Variants in MYO15A observed in about 807,000 individuals in gnomAD.
The protein encoded by MYO15A is myosin XVA, also known as unconventional myosin-XV.
Under a neutral mutation model 394.6 loss-of-function variants are expected in MYO15A, and 308 were observed. The observed-to-expected ratio is 0.78, with a 90% CI of 0.71 to 0.86. MYO15A has a LOEUF of 0.86. MYO15A is among the 40% of genes least tolerant of loss of function. The pLI is 0.00. For synonymous variants in MYO15A, 1,957 were observed against 2,003.8 expected, an observed-to-expected ratio of 0.98 and a Z score of 0.62; for missense variants, 4,606 against 4,799.1, an observed-to-expected ratio of 0.96 and a Z score of 1.19.
rs374602753 is a variant in MYO15A, at chr17:18,131,287, G to A, written c.4087G>A (p.Val1363Ile). Residue 1363 changes from valine to isoleucine, a missense_variant, in exon 9 of 66, where the codon GTC becomes ATC. Around this residue, in one of 2 missense-constraint regions of MYO15A, gnomAD observed 2,776 missense variants for 3,109.3 expected, o/e 0.89. Coordinates refer to ENST00000647165, the MANE Select transcript of MYO15A (RefSeq NM_016239.4). ...LLESFGNAKT[V>I]RNDNSSRFGK... ...GGAGTCCTTCGGTAATGCCAAAACC[G>A]TCAGGAACGACAACTCCAGCCGCTT... The A allele has an allele frequency of 4.8e-5, 78 of 1,614,000 alleles. No homozygotes were observed. The highest frequency in any genetic ancestry group is 8.0e-5 in the African/African-American group (6 of 74,980).
chr17:18,148,600 C>G lies in MYO15A; in HGVS notation c.6764+32C>G, dbSNP rs1321996352. 8 of 1,550,318 alleles carry G rather than the reference C, an allele frequency of 5.2e-6. No individual in the cohort carries two copies. In the African/African-American group the frequency reaches 1.1e-4, roughly 21 times the overall value. On this transcript the variant is annotated intron_variant, in intron 32 of 65. Coordinates refer to ENST00000647165, the MANE Select transcript of MYO15A (RefSeq NM_016239.4). This position sits in a 1 kb window ranked among gnomAD's most constrained non-coding sequence, Gnocchi z 4.8. ...TCCTAGGATGCCCTCCCAGCACACT[C>G]TTATGTACCTGGAATGTTGTGGGGG... is the stretch of plus-strand genomic sequence containing the variant.
At chr17:18,139,028 C>T (rs991807845) in intron 18 of MYO15A, 92 bp downstream of exon 18, 7 of 1,530,148 alleles carry the variant, frequency 4.6e-6, no homozygotes, top group Admixed American at 2.0e-5. Flanking sequence ...CAGACATTCA[C>T]AGCCAGGTCC....
At chr17:18,167,058 T>C (rs956820962) in intron 61 of MYO15A, among the ~76,000 whole-genome samples, 1 of 152,178 alleles carries the variant, frequency 6.6e-6, no homozygotes, top group Non-Finnish European at 1.5e-5. Context: ...CTTCAGGAAT[T>C]GTACACAATA....
At position 18,150,658 on chromosome 17, in the gene MYO15A, A is replaced by T. The variant is rs2142367765; in HGVS notation, c.7328-40A>T. The stretch of plus-strand genomic sequence containing the variant: ...GGGCTGAGAGGACAGGGAGGAGGGC[A>T]TCTCCGGTGCCATCTGTGCCTTCTG... On this transcript the variant is annotated intron_variant, in intron 36 of 65. Coordinates refer to ENST00000647165, the MANE Select transcript of MYO15A (RefSeq NM_016239.4). This position sits in a 1 kb window ranked among gnomAD's most constrained non-coding sequence, Gnocchi z 4.4. 1 of 1,594,588 alleles carries T rather than the reference A, an allele frequency of 6.3e-7. No homozygotes were observed. Among genetic ancestry groups the T allele is most frequent in the East Asian group, 2.3e-5 (1 of 43,792 alleles).
intron 62 of MYO15A, 104 bp downstream of exon 62, chr17:18,167,827 C>G: frequency 6.6e-7 from 1 of 1,526,294 alleles, no homozygotes; most frequent in Non-Finnish European, 8.8e-7. Flanking sequence ...CCCTCAGGCT[C>G]CCCTCTTATA....
In MYO15A at chr17:18,118,875, G is replaced by A; in HGVS notation, c.75G>A (p.Lys25=). ...GGAAGAAGGCACCGGAGCCGGAGAA[G>A]CCCAAACGGAGCCTGAAGGGGACGT... ...KKGKKAPEPE[K]PKRSLKGTSR... is the part of the protein sequence containing the mutation. Residue 25 remains lysine (K), a synonymous_variant, in exon 2 of 66, where the codon AAG becomes AAA. Coordinates refer to ENST00000647165, the MANE Select transcript of MYO15A (RefSeq NM_016239.4). 1 of 1,613,684 alleles carries A rather than the reference G, an allele frequency of 6.2e-7. No homozygotes were observed. Among genetic ancestry groups the A allele is most frequent in the East Asian group, 2.2e-5 (1 of 44,852 alleles).
At chr17:18,135,560 C>T (rs568468799) in intron 12 of MYO15A, 151 bp from the exon 13 acceptor site, 21 of 669,830 alleles carry the variant, frequency 3.1e-5, no homozygotes, top group Admixed American at 1.3e-4. Flanking sequence ...AGGTTGGTCT[C>T]GAACTCCTGG....
rs750391522 is a variant in MYO15A at position 18,120,419 on chromosome 17, G to T, written c.1619G>T (p.Arg540Leu). The change falls in exon 2 of 66, where the codon CGC becomes CTC. Residue 540 changes from arginine to leucine, a missense_variant. By Grantham distance (102) the Arg-to-Leu change is moderately radical. Transcript: ENST00000647165. ...TGGGGCTTCCTCACGCCGCGCCAGC[G>T]CAACCTCCAGCGCGCGCTGTCGGCC... ...PFWGFLTPRQ[R>L]NLQRALSAFG... 2.5e-6 allele frequency: 4 copies of T among 1,599,380 alleles called. No homozygotes were observed. Among genetic ancestry groups the T allele is most frequent in the Non-Finnish European group, 2.6e-6 (3 of 1,174,690 alleles).
At chr17:18,158,418 T>G in intron 51 of MYO15A, 105 bp from the exon 52 acceptor site, 16 of 1,002,040 alleles carry the variant, frequency 1.6e-5, no homozygotes, top group Non-Finnish European at 2.3e-5. Context: ...GTGGGCGGCT[T>G]GAGAATCTGG....
intron 55 of MYO15A, 33 bp downstream of exon 55, chr17:18,159,712 T>C: frequency 6.2e-7 from 1 of 1,609,344 alleles, no homozygotes; most frequent in Non-Finnish European, 8.5e-7. Flanking sequence ...GATGCCCCCT[T>C]TCCTGCTCTG....
In MYO15A at chr17:18,141,084, C is replaced by T. The variant is rs367777952; in HGVS notation, c.5472C>T (p.Thr1824=). The change falls in exon 22 of 66, where the codon ACC becomes ACT. Residue 1824 remains threonine (T), a synonymous_variant. Coordinates refer to ENST00000647165, the MANE Select transcript of MYO15A (RefSeq NM_016239.4). ...TACGCTATTCAGGGGTGCTGGAGAC[C>T]GTGAGGATCCGCAAGGAGGGATTTC... is the stretch of plus-strand genomic sequence containing the variant. ...AQLRYSGVLE[T]VRIRKEGFPV... 4.2e-5 allele frequency: 67 copies of T among 1,613,896 alleles called. 1 individual carries two copies. The South Asian group carries it at 6.7e-4, about 16-fold the overall frequency.
chr17:18,115,366 C>A (rs2045770853), intron 1 of MYO15A, among the ~76,000 whole-genome samples: 1 of 152,202 alleles, frequency 6.6e-6, no homozygotes, highest in Non-Finnish European at 1.5e-5. Flanking sequence ...CGGATGTAAT[C>A]CCAACACTTT....
At position 18,119,780 on chromosome 17, in the gene MYO15A, G is replaced by C; in HGVS notation, c.980G>C (p.Ser327Thr). ...APPSGYSSPY[S>T]YHDGYEGEAH... is the part of the protein sequence containing the mutation. ...CCGTCGGGGTACTCGTCTCCTTACAGCTACCACGATGGGTACGAGGGCGAG... is the reference window on the plus strand; with the variant it reads ...CCGTCGGGGTACTCGTCTCCTTACACCTACCACGATGGGTACGAGGGCGAG... Residue 327 changes from serine to threonine, a missense_variant, in exon 2 of 66, where the codon AGC (serine) becomes ACC (threonine). Ser to Thr is a moderately conservative substitution (Grantham distance 58, BLOSUM62 1). This residue lies in a region of MYO15A where 1,830 missense variants were observed against 1,689.7 expected (regional missense o/e 1.08). Transcript: ENST00000647165. 6.2e-7 allele frequency: 1 copy of C among 1,613,028 alleles called. No individual in the cohort carries two copies. The highest frequency in any genetic ancestry group is 8.5e-7 in the Non-Finnish European group (1 of 1,179,994).
rs370802765 is a variant in MYO15A at position 18,152,062 on chromosome 17, C to T, written c.7894-50C>T. On this transcript the variant is annotated intron_variant, in intron 41 of 65. Transcript: ENST00000647165. ...AAGCTGTGGCCCTGCCACTGCCCCT[C>T]CACAGGGCCTGCCTGTTGCCCCCTG... The T allele has an allele frequency of 1.9e-5, 30 of 1,547,548 alleles. No homozygotes were observed. The African/African-American group carries it at 2.6e-4, about 13-fold the overall frequency.
rs1186002619 is a variant in MYO15A, at chr17:18,159,593, G to A, written c.9230-13G>A. On this transcript the variant is annotated splice_polypyrimidine_tract_variant and intron_variant, in intron 54 of 65. Transcript: ENST00000647165. ...GGTTTGGTGGGTCTGAGTGGGATAG[G>A]TCTTTCCTACAGCTGTAATGAGGTT... 2 of 1,613,684 alleles carry A rather than the reference G, an allele frequency of 1.2e-6. No homozygotes were observed. Among genetic ancestry groups the A allele is most frequent in the African/African-American group, 1.3e-5 (1 of 75,016 alleles).
At chr17:18,135,928 C>T (rs2046259123) in intron 13 of MYO15A, 104 bp downstream of exon 13, 2 of 1,045,052 alleles carry the variant, frequency 1.9e-6, no homozygotes, top group South Asian at 2.7e-5. Context: ...CTCTCCTGCT[C>T]TCTCTGTCCC....
At chr17:18,175,411 C>T (rs920982257) in intron 65 of MYO15A, among the ~76,000 whole-genome samples, 2 of 150,228 alleles carry the variant, frequency 1.3e-5, no homozygotes, top group Non-Finnish European at 3.0e-5. Context: ...CCACCTCAGC[C>T]TCCCAAGTAG....
In MYO15A at chr17:18,179,650, G is replaced by A. The variant is rs971086530; in HGVS notation, c.*780G>A. ...TGAAAGATGAGTAGGAGTTTGCTAAGAATAGATGGAAGACAGCAGGATAAA... is the reference window on the plus strand; with the variant it reads ...TGAAAGATGAGTAGGAGTTTGCTAAAAATAGATGGAAGACAGCAGGATAAA... On this transcript the variant is annotated 3_prime_UTR_variant, in exon 66 of 66. Coordinates refer to ENST00000647165, the MANE Select transcript of MYO15A (RefSeq NM_016239.4). 1.8e-4 allele frequency: 27 copies of A among 152,524 alleles called. No homozygotes were observed. Among genetic ancestry groups the A allele is most frequent in the African/African-American group, 6.5e-4 (27 of 41,446 alleles). The allele number at this position is 152,524 out of a possible 1,614,324, so 9.4% of individuals were successfully genotyped here. A position where few individuals can be genotyped will look rare whatever the true frequency, so the allele number is the denominator to read the frequency against.
In MYO15A at chr17:18,121,787, CG is replaced by C; in HGVS notation, c.2991del (p.Pro998LeufsTer60). On this transcript the variant is annotated frameshift_variant, in exon 2 of 66. Transcript: ENST00000647165. LOFTEE classifies it high-confidence loss of function. This position sits in a 1 kb window ranked among gnomAD's most constrained non-coding sequence, Gnocchi z 5.3. Reference protein sequence around the residue: ...TRVFLGRHHEPGPGQLTKSAG... With the variant: ...TRVFLGRHHEXGPGQLTKSAG... ...GTCTTCCTGGGCAGACACCATGAGCCGGGGCCTGGACAGCTCACCAAATCAG... is the reference window on the plus strand; with the variant it reads ...GTCTTCCTGGGCAGACACCATGAGCCGGGCCTGGACAGCTCACCAAATCAG... 6.2e-7 allele frequency: 1 copy of C among 1,611,814 alleles called. No individual in the cohort carries two copies. The highest frequency in any genetic ancestry group is 8.5e-7 in the Non-Finnish European group (1 of 1,179,290).
Sources: allele counts gnomAD v4.1 joint callset (sites outside exome capture counted in the v4.1 genomes callset), GRCh38; gene constraint gnomAD v4.1.1; regional missense constraint gnomAD v4.1.1; non-coding constraint Gnocchi (gnomAD v3.1); transcripts MANE v1.5; gene names NCBI Gene and HGNC (gene_info 2026-07-23, HGNC 2026-07-21).